Variants in AGL observed in about 807,000 individuals in gnomAD.
AGL encodes amylo-alpha-1,6-glucosidase and 4-alpha-glucanotransferase.
Under a neutral mutation model 199.3 loss-of-function variants are expected in AGL, and 128 were observed. The observed-to-expected ratio is 0.64, with a 90% CI of 0.56 to 0.74. The LOEUF (loss-of-function observed/expected upper bound fraction) is 0.74, where lower values mean the gene tolerates loss of function less well. AGL is among the 30% of genes least tolerant of loss of function. AGL has a pLI of 0.00. For synonymous variants in AGL, 584 were observed against 594.7 expected, an observed-to-expected ratio of 0.98 and a Z score of 0.26; for missense variants, 1,809 against 1,820.8, an observed-to-expected ratio of 0.99 and a Z score of 0.12.
chr1:99,913,938 G>A (rs1052731808), intron 30 of AGL, among the ~76,000 whole-genome samples, 200 bp downstream of exon 30: 1 of 152,080 alleles, frequency 6.6e-6, no homozygotes, highest in Non-Finnish European at 1.5e-5. Context: ...TCCAAAAGCC[G>A]AAAGTAATAG....
At chr1:99,918,285 A>G (rs1008208036) in intron 33 of AGL, among the ~76,000 whole-genome samples, 2 of 151,940 alleles carry the variant, frequency 1.3e-5, no homozygotes, top group Admixed American at 6.6e-5. Context: ...TTTCATTTCA[A>G]CGTTGTAGTT....
Position 99,921,748 on chromosome 1 carries a change from A to G in AGL, c.*97A>G. On this transcript the variant is annotated 3_prime_UTR_variant, in exon 34 of 34. Coordinates refer to ENST00000361915, the MANE Select transcript of AGL (RefSeq NM_000642.3). ...ATGCACAGGCTCAAGTTGTTTTAAA[A>G]ATCTCATTTATTATAATATTGATGC... The G allele has an allele frequency of 1.3e-6, 1 of 788,340 alleles. No individual in the cohort carries two copies. Among genetic ancestry groups the G allele is most frequent in the Admixed American group, 2.3e-5 (1 of 42,998 alleles). The allele number at this position is 788,340 out of a possible 1,614,324, so 48.8% of individuals were successfully genotyped here. A position where few individuals can be genotyped will look rare whatever the true frequency, so the allele number is the denominator to read the frequency against.
At chr1:99,903,129 T>C (rs1183575500) in intron 27 of AGL, among the ~76,000 whole-genome samples, 1 of 152,144 alleles carries the variant, frequency 6.6e-6, no homozygotes, top group East Asian at 1.9e-4. Flanking sequence ...ATGAGTGATA[T>C]TGTTTCCATT....
intron 4 of AGL, 24 bp downstream of exon 4, chr1:99,862,447 T>C (rs763773399): frequency 6.2e-6 from 10 of 1,612,172 alleles, no homozygotes; most frequent in Admixed American, 1.7e-5. Flanking sequence ...GCTTTCTTTT[T>C]CTTATTTAAA....
chr1:99,906,651 TGATTTTTTC>T (rs1654315075), intron 27 of AGL, among the ~76,000 whole-genome samples: 2 of 152,222 alleles, frequency 1.3e-5, no homozygotes, highest in Non-Finnish European at 2.9e-5. Flanking sequence ...CTTTTGTGAC[TGATTTTTTC>T]CACTTAGCAT....
At chr1:99,897,424 C>CATTT (rs1653420962) in intron 25 of AGL, among the ~76,000 whole-genome samples, 1 of 152,162 alleles carries the variant, frequency 6.6e-6, no homozygotes, top group South Asian at 2.1e-4. Flanking sequence ...AGCAAAAGGG[C>CATTT]ATTTATACGA....
At chr1:99,887,330 G>T (rs1652526845) in intron 20 of AGL, among the ~76,000 whole-genome samples, 1 of 152,140 alleles carries the variant, frequency 6.6e-6, no homozygotes, top group Non-Finnish European at 1.5e-5. Flanking sequence ...TCAAGGCCAT[G>T]ATAGTCTTCC....
At chr1:99,856,081 A>G (rs746820790) in intron 2 of AGL, among the ~76,000 whole-genome samples, 12 of 152,224 alleles carry the variant, frequency 7.9e-5, no homozygotes, top group Non-Finnish European at 1.8e-4. Flanking sequence ...AGTATGAGGA[A>G]TAAGATAGCC....
At chr1:99,861,334 T>G in intron 2 of AGL, 169 bp from the exon 3 acceptor site, 1 of 1,487,714 alleles carries the variant, frequency 6.7e-7, no homozygotes, top group Non-Finnish European at 8.9e-7. Context: ...AATGTGAAAT[T>G]CAGCTAAATT....
chr1:99,875,202 A>C lies in AGL; in HGVS notation c.1131A>C (p.Arg377Ser), dbSNP rs1651410246. ...IEECCNWFHKRMEELNSEKHR... is the reference protein window; with the variant it reads ...IEECCNWFHKSMEELNSEKHR... ...AATGCTGTAATTGGTTTCATAAAAG[A>C]ATGGAGGAATTAAATTCAGAGAAGC... Residue 377 changes from arginine (R) to serine (S), a missense_variant, in exon 9 of 34, where the codon AGA (arginine) becomes AGC (serine). Coordinates refer to ENST00000361915, the MANE Select transcript of AGL (RefSeq NM_000642.3). The C allele has an allele frequency of 6.2e-7, 1 of 1,614,060 alleles. No individual in the cohort carries two copies. The highest frequency in any genetic ancestry group is 1.7e-5 in the Admixed American group (1 of 60,000).
chr1:99,897,870 A>G (rs754851851), intron 25 of AGL, among the ~76,000 whole-genome samples: 2 of 152,118 alleles, frequency 1.3e-5, no homozygotes, highest in Admixed American at 6.5e-5. Flanking sequence ...GCCACATGCT[A>G]AACAGTTCAT....
chr1:99,891,402 A>G, intron 22 of AGL, 46 bp downstream of exon 22: 1 of 1,597,848 alleles, frequency 6.3e-7, no homozygotes, highest in Non-Finnish European at 8.6e-7. Flanking sequence ...GGACATAATA[A>G]TAAATATTAC....
At chr1:99,901,004 G>A (rs1653794468) in intron 26 of AGL, 143 bp downstream of exon 26, 2 of 771,494 alleles carry the variant, frequency 2.6e-6, no homozygotes, top group South Asian at 1.8e-5. Flanking sequence ...GGCACCTGCT[G>A]GTACTATAAG....
At chr1:99,870,683 A>T (rs1650917088) in intron 6 of AGL, 75 bp from the exon 7 acceptor site, 2 of 1,453,416 alleles carry the variant, frequency 1.4e-6, no homozygotes, top group Admixed American at 1.7e-5. Context: ...TTTTAATATG[A>T]TAAACAGTAT....
At chr1:99,916,091 TAG>T (rs780409063) in intron 31 of AGL, among the ~76,000 whole-genome samples, 13 of 152,150 alleles carry the variant, frequency 8.5e-5, no homozygotes, top group Non-Finnish European at 1.3e-4. Flanking sequence ...TTCAATATAT[TAG>T]AGGCCTAGGA....
intron 5 of AGL, among the ~76,000 whole-genome samples, chr1:99,868,690 G>A (rs1650738696): frequency 6.6e-6 from 1 of 152,122 alleles, no homozygotes; most frequent in South Asian, 2.1e-4. Flanking sequence ...GCTGAGGCAG[G>A]AGGATCACTT....
Position 99,881,545 on chromosome 1 carries a change from A to G in AGL, c.2162A>G (p.Tyr721Cys). The change falls in exon 17 of 34, where the codon TAT becomes TGT. Residue 721 changes from tyrosine to cysteine, a missense_variant. Coordinates refer to ENST00000361915, the MANE Select transcript of AGL (RefSeq NM_000642.3). Reference sequence around the variant, plus strand: ...GTTGTTCTTTCTGCTTCTCAGGTGTATGTGGATCAAGTTGATGAAGACATA... The same window carrying G: ...GTTGTTCTTTCTGCTTCTCAGGTGTGTGTGGATCAAGTTGATGAAGACATA... ...ELGAKGFIQV[Y>C]VDQVDEDIVA... is the part of the protein sequence containing the mutation. 4 of 1,613,946 alleles carry G rather than the reference A, an allele frequency of 2.5e-6. No homozygotes were observed. The highest frequency in any genetic ancestry group is 3.4e-6 in the Non-Finnish European group (4 of 1,179,936).
At chr1:99,874,949 A>C in intron 8 of AGL, 139 bp downstream of exon 8, 1 of 1,206,328 alleles carries the variant, frequency 8.3e-7, no homozygotes, top group Non-Finnish European at 1.2e-6. Flanking sequence ...CTATTTCAGC[A>C]CATGACATTT....
In AGL at chr1:99,857,366, G is replaced by A. The variant is rs1233295013; in HGVS notation, c.83-4137G>A. The stretch of plus-strand genomic sequence containing the variant: ...CAGAGGGGCTCCTCACATCCCAGAC[G>A]AAGGGTGGCCGGGCAGAGACGCTTC... On this transcript the variant is annotated intron_variant, in intron 2 of 33. Transcript: ENST00000361915. 3.3e-5 allele frequency among the ~76,000 whole-genome samples: 5 copies of A among 152,032 alleles called. No individual in the cohort carries two copies. The East Asian group carries it at 5.9e-4, about 18-fold the overall frequency.
Sources: gnomAD v4.1 joint callset for allele counts (sites outside exome capture counted in the v4.1 genomes callset) on GRCh38, gnomAD v4.1.1 for gene constraint, MANE v1.5 for transcripts, NCBI Gene and HGNC (gene_info 2026-07-23, HGNC 2026-07-21) for gene names.